The following PALLD variants were observed in gnomAD, a reference collection of about 807,000 sequenced individuals.
PALLD encodes the protein palladin.
PALLD carries 61 observed loss-of-function variants against 123.5 expected under a neutral mutation model. That is an observed-to-expected ratio of 0.49 (90% CI 0.40 to 0.61). The LOEUF (loss-of-function observed/expected upper bound fraction) is 0.61. Among genes scored for constraint, PALLD ranks in the 20% least tolerant of loss-of-function variants. The probability of loss-of-function intolerance (pLI) is 0.00; values close to 1 mark genes in which losing one functional copy is unlikely to be tolerated. For missense variants in PALLD, 1,273 were observed against 1,377.0 expected, an observed-to-expected ratio of 0.92 and a Z score of 1.20; for synonymous variants, 465 against 496.4, an observed-to-expected ratio of 0.94 and a Z score of 0.84.
chr4:168,919,739 G>A (rs1761044155), intron 17 of PALLD, among the ~76,000 whole-genome samples: 1 of 152,080 alleles, frequency 6.6e-6, no homozygotes, highest in Non-Finnish European at 1.5e-5. Flanking sequence ...TAAATTTTCA[G>A]GAAAATAACT....
intron 2 of PALLD, among the ~76,000 whole-genome samples, chr4:168,559,076 AC>A (rs2149569096): frequency 6.6e-6 from 1 of 152,284 alleles, no homozygotes; most frequent in East Asian, 1.9e-4. Flanking sequence ...CTTTTAACTC[AC>A]CCTGAATTAC....
intron 2 of PALLD, among the ~76,000 whole-genome samples, chr4:168,629,213 C>T (rs544605604): frequency 1.2e-4 from 18 of 152,140 alleles, no homozygotes; most frequent in East Asian, 7.8e-4. Context: ...GGGGTTTCAC[C>T]ATGTTGGCCA....
chr4:168,807,742 G>A (rs562014776), intron 10 of PALLD, among the ~76,000 whole-genome samples: 13 of 151,988 alleles, frequency 8.6e-5, no homozygotes, highest in African/African-American at 2.9e-4. Flanking sequence ...TTTCACTCTC[G>A]TTGCCCAGGC....
chr4:168,731,308 A>G (rs1282944182), intron 10 of PALLD, among the ~76,000 whole-genome samples: 1 of 152,224 alleles, frequency 6.6e-6, no homozygotes, highest in Admixed American at 6.5e-5. Context: ...GTGGATGTCA[A>G]TTTATGAGAC....
chr4:168,823,425 C>T (rs559475418), intron 10 of PALLD, among the ~76,000 whole-genome samples: 2 of 152,240 alleles, frequency 1.3e-5, no homozygotes, highest in East Asian at 1.9e-4. Context: ...CCTAGAGTCC[C>T]AGCACTTTAA....
intron 2 of PALLD, among the ~76,000 whole-genome samples, chr4:168,540,811 A>G (rs11732248): frequency 0.46 from 69,307 of 151,638 alleles, 16,137 homozygotes; most frequent in East Asian, 0.68. Context: ...GGGAAGAAAA[A>G]AAAAAAAAAG....
chr4:168,802,972 G>A (rs964718390), intron 10 of PALLD, among the ~76,000 whole-genome samples: 2 of 137,702 alleles, frequency 1.5e-5, no homozygotes, highest in Non-Finnish European at 2.9e-5. Context: ...GATTACAGGT[G>A]TAAGCCACTG....
At chr4:168,828,431 T>C (rs1743722679) in intron 10 of PALLD, among the ~76,000 whole-genome samples, 1 of 152,192 alleles carries the variant, frequency 6.6e-6, no homozygotes, top group Non-Finnish European at 1.5e-5. Flanking sequence ...TAAAATATTA[T>C]CATGTTACCT....
chr4:168,658,415 C>G (rs1298178933), intron 2 of PALLD, among the ~76,000 whole-genome samples: 28 of 150,852 alleles, frequency 1.9e-4, no homozygotes, highest in African/African-American at 6.6e-4. Flanking sequence ...CTCCTGAGTA[C>G]CTGGGACTAC....
chr4:168,634,811 C>G (rs1369186414), intron 2 of PALLD, among the ~76,000 whole-genome samples: 2 of 151,698 alleles, frequency 1.3e-5, no homozygotes, highest in East Asian at 1.9e-4. Context: ...CCAACTTGAA[C>G]TTTTTTTTTA....
At chr4:168,613,352 G>A (rs1011651284) in intron 2 of PALLD, among the ~76,000 whole-genome samples, 2 of 152,178 alleles carry the variant, frequency 1.3e-5, no homozygotes, top group Admixed American at 6.5e-5. Flanking sequence ...TGAGGTGTAT[G>A]TATTTCTGAC....
At chr4:168,693,942 A>G (rs1405402066) in intron 8 of PALLD, among the ~76,000 whole-genome samples, 4 of 152,204 alleles carry the variant, frequency 2.6e-5, no homozygotes, top group African/African-American at 9.7e-5. Context: ...AGTTGTTGTG[A>G]GTAAGAACTT....
At chr4:168,791,779 C>T (rs982373433) in intron 10 of PALLD, among the ~76,000 whole-genome samples, 3 of 152,122 alleles carry the variant, frequency 2.0e-5, no homozygotes, top group African/African-American at 7.2e-5. Flanking sequence ...AAACTATGAA[C>T]AAAGCTGCCT....
At chr4:168,711,987 G>GA in intron 10 of PALLD, 64 bp downstream of exon 10, 3 of 1,456,902 alleles carry the variant, frequency 2.1e-6, no homozygotes, top group Middle Eastern at 1.7e-4. Flanking sequence ...TGTCTGGTGA[G>GA]AAAAAAACTT....
intron 8 of PALLD, among the ~76,000 whole-genome samples, chr4:168,699,702 A>G (rs1334813215): frequency 6.6e-6 from 1 of 152,124 alleles, no homozygotes; most frequent in Non-Finnish European, 1.5e-5. Flanking sequence ...CTTGAATGCA[A>G]TTCAAGGTTG....
chr4:168,574,774 T>C (rs905298379), intron 2 of PALLD, among the ~76,000 whole-genome samples: 1 of 152,122 alleles, frequency 6.6e-6, no homozygotes, highest in Non-Finnish European at 1.5e-5. Context: ...AAGTAGAACT[T>C]ATTAGCTACT....
intron 3 of PALLD, among the ~76,000 whole-genome samples, chr4:168,670,449 G>T (rs548269827): frequency 6.6e-6 from 1 of 151,982 alleles, no homozygotes; most frequent in South Asian, 2.1e-4. Context: ...AAAGCCGGGC[G>T]CGGGCCGGGC....
chr4:168,795,272 C>T (rs1307218174), intron 10 of PALLD, among the ~76,000 whole-genome samples: 4 of 152,160 alleles, frequency 2.6e-5, no homozygotes, highest in Non-Finnish European at 2.9e-5. Flanking sequence ...CAATTCCTGT[C>T]AGTGTTTTTG....
intron 10 of PALLD, among the ~76,000 whole-genome samples, chr4:168,771,226 T>A (rs1279625663): frequency 6.6e-6 from 1 of 152,168 alleles, no homozygotes; most frequent in Non-Finnish European, 1.5e-5. Flanking sequence ...AATCCTTAGA[T>A]TTAAGTATGT....
Sources: allele counts gnomAD v4.1 joint callset (sites outside exome capture counted in the v4.1 genomes callset), GRCh38; gene constraint gnomAD v4.1.1; transcripts MANE v1.5; gene names NCBI Gene and HGNC (gene_info 2026-07-23, HGNC 2026-07-21).